BMP7: variants seen among roughly 807,000 people sequenced by gnomAD.
BMP7 encodes the protein bone morphogenetic protein 7, also known as osteogenic protein 1.
BMP7 carries 12 observed loss-of-function variants against 41.2 expected under a neutral mutation model. That is an observed-to-expected ratio of 0.29 (90% CI 0.19 to 0.47). The LOEUF (loss-of-function observed/expected upper bound fraction) is 0.47. Ranked by LOEUF, BMP7 falls within the 20% of genes least tolerant of loss-of-function variation. The probability of loss-of-function intolerance (pLI) is 0.99; values close to 1 mark genes in which losing one functional copy is unlikely to be tolerated. For synonymous variants in BMP7, 248 were observed against 250.0 expected, an observed-to-expected ratio of 0.99 and a Z score of 0.07; for missense variants, 467 against 606.0, an observed-to-expected ratio of 0.77 and a Z score of 2.41.
chr20:57,199,240 G>A (rs1984568725), intron 3 of BMP7, among the ~76,000 whole-genome samples: 1 of 152,188 alleles, frequency 6.6e-6, no homozygotes, highest in South Asian at 2.1e-4. Context: ...TGGCAGGGGA[G>A]GGTTGAGACC....
intron 3 of BMP7, among the ~76,000 whole-genome samples, chr20:57,193,732 G>A (rs1404381462): frequency 6.6e-6 from 1 of 152,198 alleles, no homozygotes; most frequent in African/African-American, 2.4e-5. Flanking sequence ...ATCATGTGCA[G>A]GTTTTGGGGT....
At chr20:57,217,418 G>A (rs1013312281) in intron 2 of BMP7, among the ~76,000 whole-genome samples, 4 of 152,214 alleles carry the variant, frequency 2.6e-5, no homozygotes, top group Admixed American at 6.5e-5. Flanking sequence ...CACATGGAGT[G>A]CTCTGTGCCA....
chr20:57,246,130 A>G (rs894553170), intron 1 of BMP7, among the ~76,000 whole-genome samples: 1 of 152,190 alleles, frequency 6.6e-6, no homozygotes, highest in Non-Finnish European at 1.5e-5. Flanking sequence ...AACACTCACA[A>G]GTGCTCTTGA....
chr20:57,254,017 C>CTTTTTTTTTTTTTT (rs35180643), intron 1 of BMP7, among the ~76,000 whole-genome samples: 2 of 71,538 alleles, frequency 2.8e-5, no homozygotes, highest in African/African-American at 6.2e-5. Context: ...GGTTTCTTTC[C>CTTTTTTTTTTTTTT]TTTTTTTTTT....
intron 1 of BMP7, among the ~76,000 whole-genome samples, chr20:57,237,693 GA>G (rs2066053029): frequency 6.6e-6 from 1 of 152,246 alleles, no homozygotes; most frequent in Non-Finnish European, 1.5e-5. Context: ...GCTCTTGGGA[GA>G]AGGGAGGAGA....
At chr20:57,185,909 C>A (rs899944754) in intron 3 of BMP7, among the ~76,000 whole-genome samples, 5 of 151,138 alleles carry the variant, frequency 3.3e-5, no homozygotes, top group African/African-American at 1.2e-4. Context: ...CTTTGCATAC[C>A]CTAAGTGCTC....
intron 2 of BMP7, among the ~76,000 whole-genome samples, chr20:57,222,726 C>T (rs1339377089): frequency 6.6e-6 from 1 of 152,034 alleles, no homozygotes; most frequent in East Asian, 1.9e-4. Flanking sequence ...CCTGAGAAGG[C>T]AGCTCAAAAC....
At chr20:57,241,446 C>G (rs2066069325) in intron 1 of BMP7, among the ~76,000 whole-genome samples, 1 of 152,232 alleles carries the variant, frequency 6.6e-6, no homozygotes, top group Admixed American at 6.5e-5. Context: ...CTCATTACCC[C>G]TCCCCAGGCC....
At chr20:57,247,196 T>C (rs1185099657) in intron 1 of BMP7, among the ~76,000 whole-genome samples, 1 of 152,208 alleles carries the variant, frequency 6.6e-6, no homozygotes, top group Non-Finnish European at 1.5e-5. Flanking sequence ...ACCCAACTGA[T>C]TCATGAGTGA....
intron 2 of BMP7, among the ~76,000 whole-genome samples, chr20:57,221,196 G>A (rs906011969): frequency 5.9e-5 from 9 of 152,126 alleles, no homozygotes; most frequent in African/African-American, 2.2e-4. Context: ...GCCCCACACG[G>A]TTCAGCAAGT....
At chr20:57,178,534 G>T (rs1423163516) in intron 4 of BMP7, among the ~76,000 whole-genome samples, 1 of 152,072 alleles carries the variant, frequency 6.6e-6, no homozygotes, top group Non-Finnish European at 1.5e-5. Context: ...ACACAGGAAG[G>T]TCAAGGTCAA....
intron 1 of BMP7, among the ~76,000 whole-genome samples, chr20:57,240,043 T>C (rs1162582495): frequency 1.3e-5 from 2 of 152,264 alleles, no homozygotes; most frequent in Admixed American, 1.3e-4. Flanking sequence ...TTGCTACTTA[T>C]GCAAATTTCT....
chr20:57,250,367 T>G (rs2066107338), intron 1 of BMP7, among the ~76,000 whole-genome samples: 1 of 147,366 alleles, frequency 6.8e-6, no homozygotes, highest in Non-Finnish European at 1.5e-5. Context: ...TAGATATATA[T>G]ACACACACAA....
chr20:57,175,799 G>A (rs1311729954), intron 4 of BMP7, among the ~76,000 whole-genome samples: 4 of 150,520 alleles, frequency 2.7e-5, no homozygotes, highest in East Asian at 4.0e-4. Flanking sequence ...GGGGCTCTCT[G>A]TCATACTCAG....
chr20:57,193,876 A>G (rs972851512), intron 3 of BMP7, among the ~76,000 whole-genome samples: 1 of 152,232 alleles, frequency 6.6e-6, no homozygotes, highest in Admixed American at 6.5e-5. Context: ...AGGCCAGGAA[A>G]GCTGTCTGAC....
chr20:57,228,549 G>A lies in BMP7; in HGVS notation c.419-128C>T. On this transcript the variant is annotated intron_variant, in intron 1 of 6. Transcript: ENST00000395863. This position sits in a 1 kb window ranked among gnomAD's most constrained non-coding sequence, Gnocchi z 4.5. ...CATGCCCATTGCCAGTGACCCCAGT[G>A]ACAACTGCTCCTTCCTCACCAACAC... 1 of 1,110,392 alleles carries A rather than the reference G, an allele frequency of 9.0e-7. No individual in the cohort carries two copies. Among genetic ancestry groups the A allele is most frequent in the Non-Finnish European group, 1.4e-6 (1 of 736,626 alleles). The allele number at this position is 1,110,392 out of a possible 1,614,324, so 68.8% of individuals were successfully genotyped here.
At chr20:57,264,161 GTTATTA>G (rs935598177) in intron 1 of BMP7, among the ~76,000 whole-genome samples, 1 of 152,194 alleles carries the variant, frequency 6.6e-6, no homozygotes, top group African/African-American at 2.4e-5. Flanking sequence ...GTTGGATTTA[GTTATTA>G]TTAAGTACAG....
chr20:57,186,731 C>T (rs1984220059), intron 3 of BMP7, among the ~76,000 whole-genome samples: 1 of 152,156 alleles, frequency 6.6e-6, no homozygotes, highest in African/African-American at 2.4e-5. Context: ...CTGGAGTCCC[C>T]CAGACGGGCC....
In BMP7 at chr20:57,242,652, T is replaced by A. The variant is rs112087239; in HGVS notation, c.419-14231A>T. Among the ~76,000 whole-genome samples, 922 of 152,282 alleles carry A rather than the reference T, an allele frequency of 6.1e-3. 13 individuals are homozygous for A. Among genetic ancestry groups the A allele is most frequent in the South Asian group, 0.033 (160 of 4,824 alleles). ...ACGTGGGGCTACTGAGCACTTGAAATGTGGCTTCCGTGACTGAGATCTGAA... is the reference window on the plus strand; with the variant it reads ...ACGTGGGGCTACTGAGCACTTGAAAAGTGGCTTCCGTGACTGAGATCTGAA... On this transcript the variant is annotated intron_variant, in intron 1 of 6. Coordinates refer to ENST00000395863, the MANE Select transcript of BMP7 (RefSeq NM_001719.3).
Sources: allele counts gnomAD v4.1 joint callset (sites outside exome capture counted in the v4.1 genomes callset), GRCh38; gene constraint gnomAD v4.1.1; non-coding constraint Gnocchi (gnomAD v3.1); transcripts MANE v1.5; gene names NCBI Gene and HGNC (gene_info 2026-07-23, HGNC 2026-07-21).